The following SHC2 variants were observed in gnomAD, a reference collection of about 807,000 sequenced individuals.
The protein encoded by SHC2 is SHC-transforming protein 2.
A neutral mutation model predicts 60.6 loss-of-function variants in SHC2; 62 were observed. That is an observed-to-expected ratio of 1.02 (90% CI 0.83 to 1.26). The LOEUF is 1.26. Among genes scored for constraint, SHC2 ranks in the 50% most tolerant of loss-of-function variants. The pLI is 0.00. For missense variants in SHC2, 873 were observed against 822.2 expected, an observed-to-expected ratio of 1.06 and a Z score of -0.76; for synonymous variants, 375 against 372.4, an observed-to-expected ratio of 1.01 and a Z score of -0.08.
Position 441,013 on chromosome 19 carries a change from G to C in SHC2, c.469-81C>G. On this transcript the variant is annotated intron_variant, in intron 1 of 12. Transcript: ENST00000264554. This position sits in a 1 kb window ranked among gnomAD's most constrained non-coding sequence, Gnocchi z 4.9. ...TCCCTTTTCCCAGCAGCCCTTCGCC[G>C]CCTCCACCACCCCTGGGGTCGAGCC... 6.5e-7 allele frequency: 1 copy of C among 1,540,026 alleles called. No individual in the cohort carries two copies. The highest frequency in any genetic ancestry group is 8.9e-7 in the Non-Finnish European group (1 of 1,117,498).
intron 4 of SHC2, among the ~76,000 whole-genome samples, chr19:437,267 T>TCTGCGTGCTCGTCTGTGTGCTCAC (rs1974748063): frequency 6.8e-6 from 1 of 147,664 alleles, no homozygotes; most frequent in South Asian, 2.1e-4. Context: ...TGCGTGCTCG[T>TCTGCGTGCTCGTCTGTGTGCTCAC]CTGCGTGCTC....
In SHC2 at chr19:431,033, C is replaced by T. The variant is rs148974979; in HGVS notation, c.1111-286G>A. Among the ~76,000 whole-genome samples, 751 of 152,380 alleles carry T rather than the reference C, an allele frequency of 4.9e-3. 1 individual carries two copies. Among genetic ancestry groups the T allele is most frequent in the African/African-American group, 0.017 (713 of 41,586 alleles). ...TGCCTGGATAACCTTCCCCGCTCTG[C>T]TCTCCCAGGCAGCTCCTATTCACCA... is the stretch of plus-strand genomic sequence containing the variant. On this transcript the variant is annotated intron_variant, in intron 8 of 12. Transcript: ENST00000264554.
chr19:433,617 AGATGG>A (rs1974632614), intron 8 of SHC2, among the ~76,000 whole-genome samples: 2 of 55,452 alleles, frequency 3.6e-5, no homozygotes, highest in African/African-American at 2.4e-4. Flanking sequence ...CCGGGCAGAT[AGATGG>A]CGCTTCATCG....
chr19:421,719 G>A (rs1377096389), intron 11 of SHC2, among the ~76,000 whole-genome samples: 3 of 152,082 alleles, frequency 2.0e-5, no homozygotes, highest in South Asian at 2.1e-4. Context: ...AGGAGCTGGG[G>A]ACCAGCCTGG....
At position 440,748 on chromosome 19, in the gene SHC2, C is replaced by T. The variant is rs957841673; in HGVS notation, c.539+114G>A. The T allele has an allele frequency of 1.7e-5, 15 of 877,234 alleles. No homozygotes were observed. The highest frequency in any genetic ancestry group is 3.1e-4 in the Middle Eastern group (1 of 3,258). The allele number at this position is 877,234 out of a possible 1,614,324, so 54.3% of individuals were successfully genotyped here. A position where few individuals can be genotyped will look rare whatever the true frequency, so the allele number is the denominator to read the frequency against. ...AGGGAGGTGGGGGGCACCGAGGCTG[C>T]GTCCTGGGACCCCAGCGCGGCTGTC... On this transcript the variant is annotated intron_variant, in intron 2 of 12. Transcript: ENST00000264554. The surrounding 1 kb of genome is among the most constrained non-coding windows in gnomAD (Gnocchi z 7.0).
chr19:424,832 C>T lies in SHC2; in HGVS notation c.1309+265G>A, dbSNP rs1181646638. Among the ~76,000 whole-genome samples the T allele has an allele frequency of 1.3e-5, 2 of 152,112 alleles. No homozygotes were observed. The highest frequency in any genetic ancestry group is 2.1e-4 in the South Asian group (1 of 4,826). The stretch of plus-strand genomic sequence containing the variant: ...GGCCTCACCCATTACACTGCTCGGC[C>T]GCATTCGCTAGAGAGAATGGGCCTC... On this transcript the variant is annotated intron_variant, in intron 10 of 12. Coordinates refer to ENST00000264554, the MANE Select transcript of SHC2 (RefSeq NM_012435.3). This position sits in a 1 kb window ranked among gnomAD's most constrained non-coding sequence, Gnocchi z 4.5.
rs1974766383 is a variant in SHC2 at position 438,177 on chromosome 19, A to G, written c.720+541T>C. Among the ~76,000 whole-genome samples the G allele has an allele frequency of 6.6e-6, 1 of 151,924 alleles. No homozygotes were observed. The highest frequency in any genetic ancestry group is 6.6e-5 in the Admixed American group (1 of 15,254). ...CTTTGTATTTTTTGTAGAGTCAGCC[A>G]TGTTGGCCAGGCTGGTCTCGAACTC... On this transcript the variant is annotated intron_variant, in intron 4 of 12. Coordinates refer to ENST00000264554, the MANE Select transcript of SHC2 (RefSeq NM_012435.3). This position sits in a 1 kb window ranked among gnomAD's most constrained non-coding sequence, Gnocchi z 5.0.
chr19:450,692 A>G (rs1342906314), intron 1 of SHC2, among the ~76,000 whole-genome samples: 1 of 152,088 alleles, frequency 6.6e-6, no homozygotes, highest in Non-Finnish European at 1.5e-5. Context: ...GCCGCGTCGT[A>G]TTTCAGCGTG....
intron 11 of SHC2, among the ~76,000 whole-genome samples, chr19:420,065 C>T (rs1974232768): frequency 6.6e-6 from 1 of 152,196 alleles, no homozygotes; most frequent in Non-Finnish European, 1.5e-5. Flanking sequence ...GGGAATCTGC[C>T]TTTTAACAAG....
chr19:418,736 T>C (rs919809311), intron 12 of SHC2, among the ~76,000 whole-genome samples, 187 bp downstream of exon 12: 2 of 152,122 alleles, frequency 1.3e-5, no homozygotes, highest in African/African-American at 4.8e-5. Flanking sequence ...GGGACAGGGC[T>C]TCTTTCGGGG....
At chr19:459,529 C>T (rs931182483) in intron 1 of SHC2, among the ~76,000 whole-genome samples, 1 of 143,102 alleles carries the variant, frequency 7.0e-6, no homozygotes, top group Non-Finnish European at 1.5e-5. Flanking sequence ...CTTCTCAACT[C>T]AGTGTAGAGG....
chr19:425,228 G>A lies in SHC2; in HGVS notation c.1178C>T (p.Pro393Leu). ...CGCCTGCACGTAGCCGTCCCCCGGT[G>A]GAGCTGGGGAGTGTAAAGAGGGGCA... ...PWDVGSTGTA[P>L]PGDGYVQADA... The change falls in exon 10 of 13, where the codon CCA becomes CTA. Residue 393 changes from proline to leucine, a missense_variant. Physicochemically the swap from Pro to Leu is moderately conservative, Grantham distance 98. Transcript: ENST00000264554. The surrounding 1 kb of genome is among the most constrained non-coding windows in gnomAD (Gnocchi z 4.1). 7.5e-7 allele frequency: 1 copy of A among 1,330,650 alleles called. No homozygotes were observed. Among genetic ancestry groups the A allele is most frequent in the African/African-American group, 1.5e-5 (1 of 66,558 alleles). 82.4% of individuals were successfully genotyped at this position (1,330,650 alleles called of 1,614,324 possible).
rs751002119 is a variant in SHC2, at chr19:440,936, A to G, written c.469-4T>C. ...GAACCTCGATGCAGCCCATGTACTG[A>G]GGGGAGAGAACAGGTGTCAGATGCC... On this transcript the variant is annotated splice_polypyrimidine_tract_variant and splice_region_variant and intron_variant, in intron 1 of 12. Coordinates refer to ENST00000264554, the MANE Select transcript of SHC2 (RefSeq NM_012435.3). The surrounding 1 kb of genome is among the most constrained non-coding windows in gnomAD (Gnocchi z 7.0). 1.2e-6 allele frequency: 2 copies of G among 1,612,140 alleles called. No individual in the cohort carries two copies. Among genetic ancestry groups the G allele is most frequent in the Non-Finnish European group, 1.7e-6 (2 of 1,179,218 alleles).
chr19:435,820 A>G (rs534006526), intron 7 of SHC2: 7 of 269,056 alleles, frequency 2.6e-5, no homozygotes, highest in Non-Finnish European at 5.1e-5. Flanking sequence ...CCCCCTTTAC[A>G]CATGTTCTGC....
chr19:441,010 G>T lies in SHC2; in HGVS notation c.469-78C>A. 1 of 1,545,964 alleles carries T rather than the reference G, an allele frequency of 6.5e-7. No individual in the cohort carries two copies. The highest frequency in any genetic ancestry group is 8.9e-7 in the Non-Finnish European group (1 of 1,122,414). On this transcript the variant is annotated intron_variant, in intron 1 of 12. Coordinates refer to ENST00000264554, the MANE Select transcript of SHC2 (RefSeq NM_012435.3). This position sits in a 1 kb window ranked among gnomAD's most constrained non-coding sequence, Gnocchi z 4.9. ...ACGTCCCTTTTCCCAGCAGCCCTTCGCCGCCTCCACCACCCCTGGGGTCGA... is the reference window on the plus strand; with the variant it reads ...ACGTCCCTTTTCCCAGCAGCCCTTCTCCGCCTCCACCACCCCTGGGGTCGA...
At chr19:437,672 C>A (rs1974758004) in intron 4 of SHC2, among the ~76,000 whole-genome samples, 1 of 152,120 alleles carries the variant, frequency 6.6e-6, no homozygotes, top group Non-Finnish European at 1.5e-5. Flanking sequence ...CAGTCACCCC[C>A]CCGCCAGCTC....
At position 425,042 on chromosome 19, in the gene SHC2, C is replaced by G. The variant is rs765647794; in HGVS notation, c.1309+55G>C. 2 of 1,339,020 alleles carry G rather than the reference C, an allele frequency of 1.5e-6. No homozygotes were observed. Among genetic ancestry groups the G allele is most frequent in the Non-Finnish European group, 1.9e-6 (2 of 1,035,090 alleles). The allele number at this position is 1,339,020 out of a possible 1,614,324, so 82.9% of individuals were successfully genotyped here. On this transcript the variant is annotated intron_variant, in intron 10 of 12. Transcript: ENST00000264554. This position sits in a 1 kb window ranked among gnomAD's most constrained non-coding sequence, Gnocchi z 4.1. ...GAGTGGGGGTGGGGTTGTGCCTCCC[C>G]CATCAGACAACACGGCCACACGCGA... is the stretch of plus-strand genomic sequence containing the variant.
At chr19:423,084 G>A (rs1974323328) in intron 10 of SHC2, among the ~76,000 whole-genome samples, 1 of 152,116 alleles carries the variant, frequency 6.6e-6, no homozygotes, top group Admixed American at 6.5e-5. Flanking sequence ...ACCCGTGGCT[G>A]GGGCGGCCTT....
chr19:430,658 C>T, intron 9 of SHC2, 26 bp downstream of exon 9: 1 of 1,606,112 alleles, frequency 6.2e-7, no homozygotes, highest in East Asian at 2.2e-5. Context: ...CTCGTGGGTA[C>T]CCCTTGCAGC....
Sources: allele counts gnomAD v4.1 joint callset (sites outside exome capture counted in the v4.1 genomes callset), GRCh38; gene constraint gnomAD v4.1.1; non-coding constraint Gnocchi (gnomAD v3.1); transcripts MANE v1.5; gene names NCBI Gene and HGNC (gene_info 2026-07-23, HGNC 2026-07-21).